DIP2C: variants seen among roughly 807,000 people sequenced by gnomAD.
DIP2C encodes disco-interacting protein 2 homolog C.
DIP2C carries 33 observed loss-of-function variants against 192.4 expected under a neutral mutation model. The ratio of observed to expected loss-of-function variants is 0.17; its 90% CI spans 0.13 to 0.23. The LOEUF is 0.23. Ranked by LOEUF, DIP2C falls within the 10% of genes least tolerant of loss-of-function variation. The probability of loss-of-function intolerance (pLI) is 1.00; values close to 1 mark genes in which losing one functional copy is unlikely to be tolerated. For synonymous variants in DIP2C, 979 were observed against 864.1 expected, an observed-to-expected ratio of 1.13 and a Z score of -2.33; for missense variants, 1,537 against 2,110.1, an observed-to-expected ratio of 0.73 and a Z score of 5.32.
At chr10:388,825 G>GGCAGGGGTGCACGCC (rs1376680381) in intron 13 of DIP2C, among the ~76,000 whole-genome samples, 7 of 152,392 alleles carry the variant, frequency 4.6e-5, no homozygotes, top group South Asian at 2.1e-4. Context: ...AGAGACGCCA[G>GGCAGGGGTGCACGCC]GCAGGGGTGC....
intron 3 of DIP2C, among the ~76,000 whole-genome samples, chr10:442,076 CCACT>C (rs933493192): frequency 6.6e-6 from 1 of 152,212 alleles, no homozygotes; most frequent in East Asian, 1.9e-4. Context: ...AGGCAAAAAC[CCACT>C]CAAAGGCCCT....
chr10:336,029 T>G (rs1957752619), intron 29 of DIP2C, among the ~76,000 whole-genome samples: 1 of 152,050 alleles, frequency 6.6e-6, no homozygotes, highest in Non-Finnish European at 1.5e-5. Context: ...TCCCAAGTAG[T>G]TGGGACCACA....
chr10:651,183 G>A lies in DIP2C; in HGVS notation c.85+38311C>T, dbSNP rs764960418. ...CCACCTGCCCAGGTCTGGGACCACCGTCCTCCACGCATATCTACAGACCCT... is the reference window on the plus strand; with the variant it reads ...CCACCTGCCCAGGTCTGGGACCACCATCCTCCACGCATATCTACAGACCCT... On this transcript the variant is annotated intron_variant, in intron 1 of 36. Transcript: ENST00000280886. This position sits in a 1 kb window ranked among gnomAD's most constrained non-coding sequence, Gnocchi z 4.1. The A allele has an allele frequency of 5.4e-5, 39 of 717,358 alleles. No homozygotes were observed. The highest frequency in any genetic ancestry group is 1.2e-4 in the Admixed American group (6 of 50,002). The allele number at this position is 717,358 out of a possible 1,614,324, so 44.4% of individuals were successfully genotyped here.
At position 598,365 on chromosome 10, in the gene DIP2C, C is replaced by G. The variant is rs908585723; in HGVS notation, c.85+91129G>C. ...AGAGACCCCTGCATTGAGCACAAAC[C>G]TTTCCAACCTTCAAATCAATGAAGA... On this transcript the variant is annotated intron_variant, in intron 1 of 36. Coordinates refer to ENST00000280886, the MANE Select transcript of DIP2C (RefSeq NM_014974.3). 2.6e-5 allele frequency among the ~76,000 whole-genome samples: 4 copies of G among 152,244 alleles called. No homozygotes were observed. In the East Asian group the frequency reaches 7.7e-4, roughly 29 times the overall value.
intron 16 of DIP2C, 93 bp from the exon 17 acceptor site, chr10:382,854 A>G (rs1962504595): frequency 2.5e-6 from 2 of 815,610 alleles, no homozygotes; most frequent in Non-Finnish European, 3.8e-6. Context: ...GGTGGGATTC[A>G]GGCACAAGTG....
At chr10:387,633 A>G (rs1298193136) in intron 14 of DIP2C, 112 bp downstream of exon 14, 1 of 669,620 alleles carries the variant, frequency 1.5e-6, no homozygotes, top group African/African-American at 2.9e-5. Flanking sequence ...CAGTGTGGGG[A>G]GGGGACTCCT....
intron 32 of DIP2C, 50 bp downstream of exon 32, chr10:309,981 G>C: frequency 6.3e-7 from 1 of 1,587,960 alleles, no homozygotes. Context: ...CAAGGCCGCA[G>C]AACAAAACAA....
In DIP2C at chr10:275,521, C is replaced by G. The variant is rs1954470952; in HGVS notation, c.*1804G>C. 1 of 138,468 alleles carries G rather than the reference C, an allele frequency of 7.2e-6. No homozygotes were observed. The highest frequency in any genetic ancestry group is 1.5e-5 in the Non-Finnish European group (1 of 65,974). 8.6% of individuals were successfully genotyped at this position (138,468 alleles called of 1,614,324 possible). ...ACAATCAGCCTTGGATCTCAGAAGT[C>G]AAACAAAACTCTTTTAGCAAAAGGC... is the stretch of plus-strand genomic sequence containing the variant. On this transcript the variant is annotated 3_prime_UTR_variant, in exon 37 of 37. Transcript: ENST00000280886.
At chr10:308,356 C>T (rs1465264355) in intron 32 of DIP2C, among the ~76,000 whole-genome samples, 1 of 151,890 alleles carries the variant, frequency 6.6e-6, no homozygotes, top group Non-Finnish European at 1.5e-5. Flanking sequence ...TATGTACTCT[C>T]ACTTCCATTT....
rs367931389 is a variant in DIP2C at position 344,799 on chromosome 10, C to T, written c.3453+10G>A. The T allele has an allele frequency of 6.4e-6, 10 of 1,573,994 alleles. No homozygotes were observed. Among genetic ancestry groups the T allele is most frequent in the South Asian group, 1.2e-5 (1 of 85,982 alleles). ...CCTCCATGGCCACCGCCCGCAGCCA[C>T]CCCCCTCACCTTTACGCCAGCTAGC... On this transcript the variant is annotated intron_variant, in intron 28 of 36. Coordinates refer to ENST00000280886, the MANE Select transcript of DIP2C (RefSeq NM_014974.3).
chr10:355,712 G>A lies in DIP2C; in HGVS notation c.2985+714C>T, dbSNP rs1016785755. On this transcript the variant is annotated intron_variant, in intron 24 of 36. Transcript: ENST00000280886. ...GTTTTCTCATGTAAAGTGTAAACAG[G>A]AAATTTAATTACAAAGTGGAAATGA... Among the ~76,000 whole-genome samples the A allele has an allele frequency of 3.9e-5, 6 of 152,150 alleles. 1 individual carries two copies. Among genetic ancestry groups the A allele is most frequent in the African/African-American group, 1.2e-4 (5 of 41,434 alleles).
intron 2 of DIP2C, 134 bp downstream of exon 2, chr10:486,325 T>C (rs1296955242): frequency 4.1e-6 from 3 of 728,274 alleles, no homozygotes; most frequent in South Asian, 2.1e-5. Context: ...AGGAACTGAA[T>C]GCCTGGAGGG....
chr10:499,064 CTAT>C (rs1273897708), intron 1 of DIP2C, among the ~76,000 whole-genome samples: 17 of 152,200 alleles, frequency 1.1e-4, no homozygotes, highest in Non-Finnish European at 5.9e-5. Flanking sequence ...AACTTCAGTC[CTAT>C]TATTTTGTTA....
At chr10:356,250 G>A in intron 24 of DIP2C, 176 bp downstream of exon 24, 1 of 731,310 alleles carries the variant, frequency 1.4e-6, no homozygotes, top group Non-Finnish European at 2.4e-6. Context: ...CTGCACAAAT[G>A]GTTACGTTTA....
chr10:489,535 G>A (rs370736006), intron 1 of DIP2C, among the ~76,000 whole-genome samples: 20 of 152,354 alleles, frequency 1.3e-4, no homozygotes, highest in Admixed American at 2.0e-4. Flanking sequence ...TCAATGCCAC[G>A]CTGTCACTAG....
At chr10:534,295 C>A (rs545965527) in intron 1 of DIP2C, among the ~76,000 whole-genome samples, 1 of 152,210 alleles carries the variant, frequency 6.6e-6, no homozygotes, top group Non-Finnish European at 1.5e-5. Flanking sequence ...GGAAAAGGCG[C>A]CTTCCCACTC....
intron 1 of DIP2C, among the ~76,000 whole-genome samples, chr10:612,682 T>C (rs1306436072): frequency 2.6e-5 from 4 of 152,192 alleles, no homozygotes; most frequent in Non-Finnish European, 5.9e-5. Flanking sequence ...GTGGCATCTT[T>C]CACAGCCGTT....
intron 1 of DIP2C, among the ~76,000 whole-genome samples, chr10:569,675 A>G (rs368710925): frequency 6.6e-6 from 1 of 152,280 alleles, no homozygotes; most frequent in South Asian, 2.1e-4. Flanking sequence ...ACTGCTGCAA[A>G]ATAAAATGGA....
At chr10:340,090 A>G (rs987719024) in intron 29 of DIP2C, among the ~76,000 whole-genome samples, 1 of 151,980 alleles carries the variant, frequency 6.6e-6, no homozygotes, top group Non-Finnish European at 1.5e-5. Flanking sequence ...CTGAGACATG[A>G]GAATCGCTGG....
Sources: allele counts gnomAD v4.1 joint callset (sites outside exome capture counted in the v4.1 genomes callset), GRCh38; gene constraint gnomAD v4.1.1; non-coding constraint Gnocchi (gnomAD v3.1); transcripts MANE v1.5; gene names NCBI Gene and HGNC (gene_info 2026-07-23, HGNC 2026-07-21).